SP140L: variants seen among roughly 807,000 people sequenced by gnomAD.
SP140L encodes SP140 like nuclear body protein, also known as nuclear body protein SP140-like protein.
SP140L carries 64 observed loss-of-function variants against 84.3 expected under a neutral mutation model. That is an observed-to-expected ratio of 0.76 (90% CI 0.62 to 0.94). SP140L has a LOEUF of 0.94. Ranked by LOEUF, SP140L falls within the 40% of genes least tolerant of loss-of-function variation. The pLI is 0.00. For missense variants in SP140L, 628 were observed against 692.5 expected (o/e 0.91, Z 1.05); for synonymous variants, 242 against 236.9 (o/e 1.02, Z -0.20).
intron 7 of SP140L, among the ~76,000 whole-genome samples, chr2:230,380,799 G>A (rs1015949327): frequency 6.6e-6 from 1 of 152,066 alleles, no homozygotes. Flanking sequence ...CATATCATTG[G>A]ATGTATCAGT....
chr2:230,340,225 G>A (rs535601594), intron 2 of SP140L, among the ~76,000 whole-genome samples: 1 of 151,356 alleles, frequency 6.6e-6, no homozygotes, highest in South Asian at 2.1e-4. Flanking sequence ...TTGTTGAATT[G>A]ATCCCTTTAC....
At chr2:230,384,137 A>T (rs7602520) in intron 8 of SP140L, among the ~76,000 whole-genome samples, 1 of 152,248 alleles carries the variant, frequency 6.6e-6, no homozygotes, top group Admixed American at 6.5e-5. Context: ...GGTGATGTTT[A>T]TATTTTTATT....
chr2:230,333,447 C>T (rs1339421447), intron 2 of SP140L, among the ~76,000 whole-genome samples: 2 of 152,100 alleles, frequency 1.3e-5, no homozygotes, highest in Non-Finnish European at 1.5e-5. Context: ...CATAAGCCAC[C>T]GCGCCCGACC....
intron 13 of SP140L, among the ~76,000 whole-genome samples, chr2:230,395,171 T>C (rs535272197): frequency 6.6e-6 from 1 of 152,312 alleles, no homozygotes; most frequent in South Asian, 2.1e-4. Flanking sequence ...GGTTTTGCCA[T>C]GTTGGACAGG....
At chr2:230,331,882 C>T in intron 2 of SP140L, among the ~76,000 whole-genome samples, 1 of 152,174 alleles carries the variant, frequency 6.6e-6, no homozygotes. Flanking sequence ...ATAATTACAT[C>T]TTCAAAATAG....
At chr2:230,390,784 T>C (rs182882297) in intron 11 of SP140L, among the ~76,000 whole-genome samples, 1 of 152,296 alleles carries the variant, frequency 6.6e-6, no homozygotes, top group East Asian at 1.9e-4. Context: ...ATGATTTTTT[T>C]TGTATTTTCA....
intron 2 of SP140L, among the ~76,000 whole-genome samples, chr2:230,340,844 T>C (rs2060018993): frequency 6.8e-6 from 1 of 146,908 alleles, no homozygotes; most frequent in African/African-American, 2.5e-5. Context: ...GCTTGTAGGG[T>C]TTCTGCTGAG....
At chr2:230,354,903 AGAAAG>A (rs1377521453) in intron 2 of SP140L, among the ~76,000 whole-genome samples, 3 of 144,648 alleles carry the variant, frequency 2.1e-5, no homozygotes, top group African/African-American at 7.6e-5. Flanking sequence ...GAAAGGAAAG[AGAAAG>A]AAGAAAGAAA....
chr2:230,361,930 G>A (rs1345888736), intron 5 of SP140L, among the ~76,000 whole-genome samples: 2 of 152,186 alleles, frequency 1.3e-5, no homozygotes, highest in Non-Finnish European at 2.9e-5. Context: ...AGAGCCAAGT[G>A]TGTCAGTAGG....
intron 18 of SP140L, among the ~76,000 whole-genome samples, chr2:230,402,560 C>T (rs2062398905): frequency 6.6e-6 from 1 of 152,104 alleles, no homozygotes; most frequent in South Asian, 2.1e-4. Context: ...AATGTTCTCA[C>T]CACAAAAAAT....
At chr2:230,350,029 A>T (rs2060319572) in intron 2 of SP140L, among the ~76,000 whole-genome samples, 2 of 152,036 alleles carry the variant, frequency 1.3e-5, no homozygotes, top group East Asian at 1.9e-4. Flanking sequence ...TAAAATAAAT[A>T]TACTTACTCT....
chr2:230,383,935 A>C (rs540203563), intron 8 of SP140L, among the ~76,000 whole-genome samples: 17 of 152,218 alleles, frequency 1.1e-4, no homozygotes, highest in African/African-American at 4.1e-4. Flanking sequence ...ATATATATAT[A>C]CATATATATA....
chr2:230,344,661 T>C (rs1439673848), intron 2 of SP140L, among the ~76,000 whole-genome samples: 2 of 152,216 alleles, frequency 1.3e-5, no homozygotes, highest in East Asian at 3.8e-4. Flanking sequence ...TGGTAATGGT[T>C]TTTCCTTTCC....
intron 2 of SP140L, among the ~76,000 whole-genome samples, chr2:230,337,115 G>A (rs911147333): frequency 6.6e-6 from 1 of 152,142 alleles, no homozygotes; most frequent in South Asian, 2.1e-4. Flanking sequence ...CACCAACAGT[G>A]TAAAAGTGTT....
intron 2 of SP140L, among the ~76,000 whole-genome samples, chr2:230,343,647 A>AT (rs2060127671): frequency 8.5e-6 from 1 of 117,836 alleles, no homozygotes; most frequent in Admixed American, 8.5e-5. Flanking sequence ...TAGGTCTCTG[A>AT]GGAATTGCCA....
chr2:230,390,452 A>T (rs1356689669), intron 11 of SP140L, among the ~76,000 whole-genome samples: 3 of 152,194 alleles, frequency 2.0e-5, no homozygotes. Flanking sequence ...TGGCTGTGCC[A>T]GGAATGACTG....
intron 2 of SP140L, chr2:230,342,285 C>T (rs2060074269): frequency 6.5e-6 from 1 of 154,254 alleles, no homozygotes; most frequent in African/African-American, 2.4e-5. Flanking sequence ...CTTTCTTTGA[C>T]TCAGAAAGGG....
chr2:230,392,721 A>G lies in SP140L; in HGVS notation c.1107+492A>G, dbSNP rs545979735. Among the ~76,000 whole-genome samples, 247 of 138,822 alleles carry G rather than the reference A, an allele frequency of 1.8e-3. 2 individuals are homozygous for G. Among genetic ancestry groups the G allele is most frequent in the Middle Eastern group, 7.5e-3 (2 of 266 alleles). 91.1% of individuals were successfully genotyped at this position (138,822 alleles called of 152,430 possible). On this transcript the variant is annotated intron_variant, in intron 12 of 18. Transcript: ENST00000415673. ...CCGGGCTAAGTAATTCAAATCTGTA[A>G]TTGATAGCAACAATCAGTGAAATCT...
intron 4 of SP140L, among the ~76,000 whole-genome samples, chr2:230,359,680 A>G (rs1482141343): frequency 6.6e-6 from 1 of 152,212 alleles, no homozygotes; most frequent in African/African-American, 2.4e-5. Context: ...AGGTATTTAT[A>G]GTTCATGTAT....
Sources: allele counts gnomAD v4.1 joint callset (sites outside exome capture counted in the v4.1 genomes callset), GRCh38; gene constraint gnomAD v4.1.1; transcripts MANE v1.5; gene names NCBI Gene and HGNC (gene_info 2026-07-23, HGNC 2026-07-21).